SLC26A7: variants seen among roughly 807,000 people sequenced by gnomAD.
SLC26A7 encodes the protein anion exchange transporter.
Under a neutral mutation model 82.5 loss-of-function variants are expected in SLC26A7, and 59 were observed. The ratio of observed to expected loss-of-function variants is 0.72; its 90% CI spans 0.58 to 0.89. SLC26A7 has a LOEUF of 0.89. Among genes scored for constraint, SLC26A7 ranks in the 40% least tolerant of loss-of-function variants. The pLI is 0.00. For synonymous variants in SLC26A7, 271 were observed against 274.3 expected (o/e 0.99, Z 0.12); for missense variants, 820 against 793.0 (o/e 1.03, Z -0.41).
intron 2 of SLC26A7, among the ~76,000 whole-genome samples, chr8:91,235,470 C>T (rs908831167): frequency 6.6e-6 from 1 of 151,974 alleles, no homozygotes; most frequent in African/African-American, 2.4e-5. Context: ...AGAGAAAAAT[C>T]AGAATTCCCA....
chr8:91,340,628 A>G (rs1163962677), intron 8 of SLC26A7, 77 bp downstream of exon 8: 1 of 1,570,474 alleles, frequency 6.4e-7, no homozygotes, highest in Non-Finnish European at 8.7e-7. Context: ...AAAATGATGA[A>G]CTTATGAAAA....
intron 9 of SLC26A7, among the ~76,000 whole-genome samples, chr8:91,350,410 T>C (rs930692093): frequency 6.6e-6 from 1 of 150,502 alleles, no homozygotes; most frequent in East Asian, 1.9e-4. Context: ...TAAAATTTAT[T>C]CTTTTAAGGT....
chr8:91,369,759 C>T, intron 14 of SLC26A7, 26 bp from the exon 15 acceptor site: 4 of 1,505,050 alleles, frequency 2.7e-6, no homozygotes, highest in South Asian at 2.6e-5. Context: ...TAACATTTTT[C>T]TTCTTTATGT....
chr8:91,350,518 T>C (rs1400620324), intron 9 of SLC26A7, among the ~76,000 whole-genome samples: 2 of 152,128 alleles, frequency 1.3e-5, no homozygotes, highest in African/African-American at 2.4e-5. Flanking sequence ...TCATACTCTT[T>C]TGTAGTCAAT....
chr8:91,342,264 C>T (rs1813442321), intron 8 of SLC26A7, among the ~76,000 whole-genome samples: 1 of 152,108 alleles, frequency 6.6e-6, no homozygotes, highest in Admixed American at 6.5e-5. Flanking sequence ...CTCAGGGAGG[C>T]CTTCTTTGGT....
chr8:91,235,056 A>G (rs1810374146), intron 2 of SLC26A7, among the ~76,000 whole-genome samples: 1 of 152,060 alleles, frequency 6.6e-6, no homozygotes, highest in African/African-American at 2.4e-5. Context: ...ACTAGCTGAG[A>G]TTACAGGCAT....
At chr8:91,254,920 T>A (rs1240179440) in intron 2 of SLC26A7, among the ~76,000 whole-genome samples, 1 of 152,146 alleles carries the variant, frequency 6.6e-6, no homozygotes, top group Non-Finnish European at 1.5e-5. Flanking sequence ...CAAACATTTG[T>A]AGAGAATGAC....
At chr8:91,223,928 T>A (rs572906761) in intron 2 of SLC26A7, among the ~76,000 whole-genome samples, 8 of 151,914 alleles carry the variant, frequency 5.3e-5, no homozygotes, top group Non-Finnish European at 1.5e-5. Context: ...AGTAAGGTGG[T>A]CTTCAGACTC....
At chr8:91,285,942 A>G (rs1335167243) in intron 2 of SLC26A7, among the ~76,000 whole-genome samples, 2 of 152,206 alleles carry the variant, frequency 1.3e-5, no homozygotes, top group Non-Finnish European at 2.9e-5. Context: ...GGTTTTCTGA[A>G]TACTTGCTAT....
chr8:91,344,885 C>A (rs1466139445), intron 9 of SLC26A7, among the ~76,000 whole-genome samples: 1 of 151,848 alleles, frequency 6.6e-6, no homozygotes, highest in South Asian at 2.1e-4. Flanking sequence ...AATATTATTC[C>A]CTACTCTGAT....
intron 18 of SLC26A7, chr8:91,394,647 G>A: frequency 8.9e-7 from 1 of 1,129,108 alleles, no homozygotes; most frequent in African/African-American, 1.6e-5. Flanking sequence ...CATCCCTATT[G>A]TATACAATCA....
chr8:91,356,333 A>G (rs1319814326), intron 11 of SLC26A7, among the ~76,000 whole-genome samples: 1 of 152,144 alleles, frequency 6.6e-6, no homozygotes, highest in Non-Finnish European at 1.5e-5. Flanking sequence ...GAACTAGTTT[A>G]CAGTCCCACC....
intron 9 of SLC26A7, among the ~76,000 whole-genome samples, chr8:91,348,560 A>T (rs1387099117): frequency 6.6e-6 from 1 of 152,228 alleles, no homozygotes; most frequent in Non-Finnish European, 1.5e-5. Flanking sequence ...TGAAGCAAAA[A>T]TATATTTGGT....
Position 91,397,231 on chromosome 8 carries a change from A to G in SLC26A7, c.*2134A>G, listed in dbSNP as rs1808595498. On this transcript the variant is annotated 3_prime_UTR_variant, in exon 19 of 19. Transcript: ENST00000276609. ...GACCTTTGTTTTAAGACTTCCACACACCAAGGCTACAATGACTGTTAACCT... is the reference window on the plus strand; with the variant it reads ...GACCTTTGTTTTAAGACTTCCACACGCCAAGGCTACAATGACTGTTAACCT... 6.6e-6 allele frequency: 1 copy of G among 152,122 alleles called. No homozygotes were observed. Among genetic ancestry groups the G allele is most frequent in the Admixed American group, 6.6e-5 (1 of 15,266 alleles). The allele number at this position is 152,122 out of a possible 1,614,324, so 9.4% of individuals were successfully genotyped here. A position where few individuals can be genotyped will look rare whatever the true frequency, so the allele number is the denominator to read the frequency against.
chr8:91,244,203 AT>A (rs1392297382), intron 2 of SLC26A7, among the ~76,000 whole-genome samples: 1 of 152,012 alleles, frequency 6.6e-6, no homozygotes, highest in Non-Finnish European at 1.5e-5. Flanking sequence ...GCCATAGTTT[AT>A]TTTACTTATT....
chr8:91,234,001 A>G (rs951593273), intron 2 of SLC26A7, among the ~76,000 whole-genome samples: 4 of 152,250 alleles, frequency 2.6e-5, no homozygotes, highest in Admixed American at 1.3e-4. Flanking sequence ...ACATCTGCTT[A>G]TTCCAAATTG....
intron 8 of SLC26A7, among the ~76,000 whole-genome samples, chr8:91,342,595 A>G (rs1291140467): frequency 6.6e-6 from 1 of 152,200 alleles, no homozygotes; most frequent in Non-Finnish European, 1.5e-5. Context: ...AATCTAAGCA[A>G]TTGGAACTTC....
At chr8:91,267,185 G>A (rs1811136189) in intron 2 of SLC26A7, among the ~76,000 whole-genome samples, 1 of 151,618 alleles carries the variant, frequency 6.6e-6, no homozygotes. Context: ...ACTCCATTAG[G>A]CATATTGACA....
At chr8:91,364,562 G>C (rs1196572438) in intron 13 of SLC26A7, among the ~76,000 whole-genome samples, 1 of 152,080 alleles carries the variant, frequency 6.6e-6, no homozygotes, top group African/African-American at 2.4e-5. Context: ...GGAATTTAGT[G>C]CTTGTGCAAA....
Sources: gnomAD v4.1 joint callset for allele counts (sites outside exome capture counted in the v4.1 genomes callset) on GRCh38, gnomAD v4.1.1 for gene constraint, MANE v1.5 for transcripts, NCBI Gene and HGNC (gene_info 2026-07-23, HGNC 2026-07-21) for gene names.